Variants in SAMD4A observed in about 807,000 individuals in gnomAD.
SAMD4A encodes sterile alpha motif domain containing 4A, also known as protein Smaug homolog 1.
SAMD4A carries 33 observed loss-of-function variants against 81.3 expected under a neutral mutation model. The ratio of observed to expected loss-of-function variants is 0.41; its 90% CI spans 0.31 to 0.54. The LOEUF (loss-of-function observed/expected upper bound fraction) is 0.54. Ranked by LOEUF, SAMD4A falls within the 20% of genes least tolerant of loss-of-function variation. The probability of loss-of-function intolerance (pLI) is 0.37; values close to 1 mark genes in which losing one functional copy is unlikely to be tolerated. For missense variants in SAMD4A, 854 were observed against 951.1 expected (o/e 0.90, Z 1.34); for synonymous variants, 389 against 382.1 (o/e 1.02, Z -0.21).
chr14:54,738,808 C>A (rs1243242968), intron 4 of SAMD4A, among the ~76,000 whole-genome samples: 1 of 152,118 alleles, frequency 6.6e-6, no homozygotes, highest in Non-Finnish European at 1.5e-5. Flanking sequence ...CTGAGACAGC[C>A]GTTGCTTTTA....
chr14:54,737,707 G>GT, intron 4 of SAMD4A, among the ~76,000 whole-genome samples: 2 of 138,804 alleles, frequency 1.4e-5, no homozygotes, highest in African/African-American at 2.8e-5. Context: ...CAAACCACGG[G>GT]ATTTTTTTTT....
intron 2 of SAMD4A, among the ~76,000 whole-genome samples, chr14:54,604,237 GT>G (rs1186922571): frequency 6.6e-6 from 1 of 152,200 alleles, no homozygotes; most frequent in African/African-American, 2.4e-5. Context: ...GTGTTTCAAG[GT>G]GCTGGAATCC....
chr14:54,721,141 T>C (rs765036343), intron 3 of SAMD4A, among the ~76,000 whole-genome samples: 3 of 152,212 alleles, frequency 2.0e-5, no homozygotes, highest in Non-Finnish European at 4.4e-5. Context: ...TACTTGTTTA[T>C]TATCTATCTC....
intron 2 of SAMD4A, among the ~76,000 whole-genome samples, chr14:54,639,580 G>A (rs774007597): frequency 2.0e-5 from 3 of 152,198 alleles, no homozygotes; most frequent in Non-Finnish European, 4.4e-5. Flanking sequence ...TGTTACGGCG[G>A]GCAGTACTTC....
chr14:54,749,969 C>T (rs2038061099), intron 5 of SAMD4A, among the ~76,000 whole-genome samples: 2 of 152,230 alleles, frequency 1.3e-5, no homozygotes, highest in Admixed American at 6.5e-5. Context: ...GGAGACACAA[C>T]ACAAAGCCCA....
intron 4 of SAMD4A, among the ~76,000 whole-genome samples, chr14:54,748,159 C>T (rs1035466024): frequency 1.3e-5 from 2 of 152,158 alleles, no homozygotes; most frequent in African/African-American, 2.4e-5. Flanking sequence ...AAATGGTCAG[C>T]GGACACACCC....
intron 7 of SAMD4A, among the ~76,000 whole-genome samples, chr14:54,761,548 C>T (rs2038398927): frequency 6.6e-6 from 1 of 152,210 alleles, no homozygotes; most frequent in African/African-American, 2.4e-5. Flanking sequence ...TTGTGCACAC[C>T]TCCCCCTCTG....
intron 2 of SAMD4A, chr14:54,681,963 C>T (rs144950653): frequency 5.1e-6 from 5 of 985,342 alleles, no homozygotes; most frequent in East Asian, 1.1e-4. Flanking sequence ...TGAAGACAGA[C>T]CACAAAATAA....
At chr14:54,643,005 G>A (rs890094705) in intron 2 of SAMD4A, among the ~76,000 whole-genome samples, 1 of 152,182 alleles carries the variant, frequency 6.6e-6, no homozygotes, top group Non-Finnish European at 1.5e-5. Context: ...AGGTCTCAAG[G>A]CAACTTGCTG....
chr14:54,746,880 G>A (rs1452459686), intron 4 of SAMD4A, among the ~76,000 whole-genome samples: 1 of 152,248 alleles, frequency 6.6e-6, no homozygotes, highest in Non-Finnish European at 1.5e-5. Context: ...TGGTGACAGA[G>A]TGGTAACATG....
intron 4 of SAMD4A, among the ~76,000 whole-genome samples, chr14:54,747,632 A>G (rs1029523587): frequency 1.3e-5 from 2 of 152,246 alleles, no homozygotes; most frequent in East Asian, 3.8e-4. Context: ...CATTTACCCA[A>G]TGCTTTAGCA....
At chr14:54,686,064 C>T (rs906735454) in intron 2 of SAMD4A, among the ~76,000 whole-genome samples, 18 of 152,158 alleles carry the variant, frequency 1.2e-4, no homozygotes, top group Non-Finnish European at 1.9e-4. Flanking sequence ...CTCTAGCTTC[C>T]TGGGGGATAG....
intron 7 of SAMD4A, among the ~76,000 whole-genome samples, chr14:54,761,196 T>C (rs4898850): frequency 0.52 from 79,017 of 152,108 alleles, 22,357 homozygotes; most frequent in African/African-American, 0.75. Context: ...CTTACTTAAT[T>C]CCCAAGTTAT....
intron 2 of SAMD4A, chr14:54,696,942 T>C (rs1015618359): frequency 6.6e-6 from 1 of 152,206 alleles, no homozygotes; most frequent in African/African-American, 2.4e-5. Context: ...GTGTCCTGAA[T>C]CAGGTGATAT....
At chr14:54,587,474 G>C (rs1250141723) in intron 2 of SAMD4A, among the ~76,000 whole-genome samples, 1 of 152,150 alleles carries the variant, frequency 6.6e-6, no homozygotes, top group Non-Finnish European at 1.5e-5. Context: ...TTGAATAGAA[G>C]TGGTGAAAGT....
intron 2 of SAMD4A, among the ~76,000 whole-genome samples, chr14:54,640,426 A>T (rs1017995180): frequency 3.3e-5 from 5 of 152,190 alleles, no homozygotes; most frequent in Non-Finnish European, 5.9e-5. Flanking sequence ...AGTCGCAGAG[A>T]CATTGTCAGG....
At chr14:54,735,210 GT>G (rs11325352) in intron 3 of SAMD4A, 120,573 of 143,334 alleles carry the variant, frequency 0.84, 51,165 homozygotes, top group Non-Finnish European at 0.92. Flanking sequence ...CTGCCGCTTC[GT>G]TTTTTTTTTT....
intron 2 of SAMD4A, among the ~76,000 whole-genome samples, chr14:54,636,028 C>T (rs556685094): frequency 3.1e-4 from 47 of 152,202 alleles, no homozygotes; most frequent in Admixed American, 2.7e-3. Context: ...CAATACGTAG[C>T]GTAAGGTAAG....
At chr14:54,648,946 G>A (rs1449763865) in intron 2 of SAMD4A, among the ~76,000 whole-genome samples, 4 of 152,174 alleles carry the variant, frequency 2.6e-5, no homozygotes, top group Non-Finnish European at 5.9e-5. Flanking sequence ...GTGGAGACAA[G>A]TGGTTGGATT....
Sources: allele counts gnomAD v4.1 joint callset (sites outside exome capture counted in the v4.1 genomes callset), GRCh38; gene constraint gnomAD v4.1.1; transcripts MANE v1.5; gene names NCBI Gene and HGNC (gene_info 2026-07-23, HGNC 2026-07-21).